The following ADAMTS6 variants were observed in gnomAD, a reference collection of about 807,000 sequenced individuals.
ADAMTS6 encodes the protein ADAM metallopeptidase with thrombospondin type 1 motif 6.
In ADAMTS6, 23 loss-of-function variants were observed where a neutral mutation model predicts 144.3. That is an observed-to-expected ratio of 0.16 (90% CI 0.11 to 0.23). The LOEUF (loss-of-function observed/expected upper bound fraction) is 0.23. ADAMTS6 is among the 10% of genes least tolerant of loss of function. The pLI, the probability that ADAMTS6 is intolerant of heterozygous loss-of-function variation, is 1.00. For synonymous variants in ADAMTS6, 444 were observed against 457.5 expected (o/e 0.97, Z 0.38); for missense variants, 999 against 1,379.6 (o/e 0.72, Z 4.37).
rs1756837231 is a variant in ADAMTS6, at chr5:65,215,325, A to G, written c.2435T>C (p.Met812Thr). 2 of 1,613,078 alleles carry G rather than the reference A, an allele frequency of 1.2e-6. No individual in the cohort carries two copies. The highest frequency in any genetic ancestry group is 2.7e-5 in the African/African-American group (2 of 74,876). The change falls in exon 19 of 25, where the codon ATG (methionine) becomes ACG (threonine). Residue 812 changes from methionine to threonine, a missense_variant and splice_region_variant. Transcript: ENST00000381055. ...LGPTSENLIV[M>T]VLLQEQNLGI... ...ATACAATGGCAAAGACGCATTTACC[A>G]TGACGATGAGATTTTCTGAGGTAGG...
At chr5:65,316,633 C>T (rs1745025417) in intron 9 of ADAMTS6, among the ~76,000 whole-genome samples, 1 of 152,034 alleles carries the variant, frequency 6.6e-6, no homozygotes, top group South Asian at 2.1e-4. Flanking sequence ...AAGTTACAAA[C>T]AGAAGAATTA....
intron 7 of ADAMTS6, among the ~76,000 whole-genome samples, chr5:65,389,360 T>C (rs1752729451): frequency 6.6e-6 from 1 of 152,182 alleles, no homozygotes; most frequent in Admixed American, 6.5e-5. Context: ...GTTTCAGTAA[T>C]GATTTCTGCC....
At chr5:65,262,118 C>G (rs1402831458) in intron 13 of ADAMTS6, among the ~76,000 whole-genome samples, 1 of 152,116 alleles carries the variant, frequency 6.6e-6, no homozygotes, top group East Asian at 1.9e-4. Context: ...AACCGTTCAC[C>G]TGTAATGGGC....
intron 9 of ADAMTS6, among the ~76,000 whole-genome samples, chr5:65,327,734 A>G (rs1424758387): frequency 6.6e-6 from 1 of 152,224 alleles, no homozygotes; most frequent in Non-Finnish European, 1.5e-5. Flanking sequence ...ATCTTTATAA[A>G]AGATACAAAG....
At chr5:65,222,829 C>T (rs991440192) in intron 18 of ADAMTS6, among the ~76,000 whole-genome samples, 2 of 151,782 alleles carry the variant, frequency 1.3e-5, no homozygotes, top group African/African-American at 4.8e-5. Flanking sequence ...TAAGATAGGA[C>T]ATGAAAGCAC....
chr5:65,302,222 TTATACA>T (rs1299533449), intron 9 of ADAMTS6, among the ~76,000 whole-genome samples: 1 of 144,690 alleles, frequency 6.9e-6, no homozygotes. Flanking sequence ...TATTATATAC[TTATACA>T]TATAATTATT....
chr5:65,428,326 T>C (rs1213495042), intron 7 of ADAMTS6, among the ~76,000 whole-genome samples: 1 of 152,118 alleles, frequency 6.6e-6, no homozygotes, highest in East Asian at 1.9e-4. Flanking sequence ...ACAGGTTCAC[T>C]TTAAAAGCTC....
At chr5:65,391,828 C>T (rs1187467430) in intron 7 of ADAMTS6, among the ~76,000 whole-genome samples, 3 of 151,856 alleles carry the variant, frequency 2.0e-5, no homozygotes, top group African/African-American at 4.8e-5. Context: ...ATCTGCCTCC[C>T]GGATTCAAGC....
intron 22 of ADAMTS6, among the ~76,000 whole-genome samples, chr5:65,184,183 G>C (rs989340089): frequency 1.3e-5 from 2 of 152,184 alleles, no homozygotes; most frequent in Admixed American, 1.3e-4. Context: ...TTATGCTTCA[G>C]CTTAATGTTC....
At chr5:65,451,221 T>C (rs1458814919) in intron 7 of ADAMTS6, 7 of 359,748 alleles carry the variant, frequency 1.9e-5, no homozygotes, top group Non-Finnish European at 5.0e-6. Context: ...ATATTATGAA[T>C]AGAACTTATC....
intron 7 of ADAMTS6, among the ~76,000 whole-genome samples, chr5:65,442,052 T>A (rs1304775182): frequency 7.2e-6 from 1 of 138,232 alleles, no homozygotes; most frequent in Non-Finnish European, 1.6e-5. Context: ...CTGAACCAAG[T>A]AGACAGACGG....
At position 65,262,910 on chromosome 5, in the gene ADAMTS6, T is replaced by A; in HGVS notation, c.1673A>T (p.Asp558Val). 1 of 1,613,514 alleles carries A rather than the reference T, an allele frequency of 6.2e-7. No individual in the cohort carries two copies. The highest frequency in any genetic ancestry group is 8.5e-7 in the Non-Finnish European group (1 of 1,179,778). ...VPFGTWPQSI[D>V]GGWGPWSLWG... ...TAGTGACCAGGGACCCCAGCCCCCA[T>A]CTATGCTCTGGGGCCAAGTGCCAAA... Residue 558 changes from aspartate to valine, a missense_variant, in exon 13 of 25, where the codon GAT becomes GTT. By Grantham distance (152) the Asp-to-Val change is radical. This residue lies in a region of ADAMTS6 where 619 missense variants were observed against 837.0 expected (regional missense o/e 0.74). Transcript: ENST00000381055.
In ADAMTS6 at chr5:65,148,977, C is replaced by T. The variant is rs1312722305; in HGVS notation, c.*2859G>A. On this transcript the variant is annotated 3_prime_UTR_variant, in exon 25 of 25. Transcript: ENST00000381055. ...CTGAGTATAAAATAATAAGCAACAA[C>T]TAATCACAATAATACAAAGGTAATT... is the stretch of plus-strand genomic sequence containing the variant. 1 of 152,612 alleles carries T rather than the reference C, an allele frequency of 6.6e-6. No homozygotes were observed. Among genetic ancestry groups the T allele is most frequent in the Non-Finnish European group, 1.5e-5 (1 of 68,048 alleles). The allele number at this position is 152,612 out of a possible 1,614,324, so 9.5% of individuals were successfully genotyped here.
intron 21 of ADAMTS6, among the ~76,000 whole-genome samples, chr5:65,194,395 A>T (rs1043280079): frequency 6.6e-6 from 1 of 152,086 alleles, no homozygotes; most frequent in African/African-American, 2.4e-5. Context: ...AATGACCAAT[A>T]CTCTACAGTG....
At chr5:65,312,103 G>C (rs10514980) in intron 9 of ADAMTS6, among the ~76,000 whole-genome samples, 7,111 of 151,962 alleles carry the variant, frequency 0.047, 212 homozygotes, top group East Asian at 0.11. Context: ...GTTCTTCAAA[G>C]AGATAACACA....
chr5:65,325,252 C>T (rs560668304), intron 9 of ADAMTS6, among the ~76,000 whole-genome samples: 58 of 152,238 alleles, frequency 3.8e-4, no homozygotes, highest in African/African-American at 1.4e-3. Context: ...CCAACGCTCA[C>T]TGAACCATAT....
At chr5:65,233,428 A>G (rs929644938) in intron 15 of ADAMTS6, among the ~76,000 whole-genome samples, 1 of 152,120 alleles carries the variant, frequency 6.6e-6, no homozygotes, top group African/African-American at 2.4e-5. Context: ...ATTCTTATAC[A>G]TAGAAAACCC....
At chr5:65,178,681 T>G (rs1410285420) in intron 22 of ADAMTS6, among the ~76,000 whole-genome samples, 1 of 152,222 alleles carries the variant, frequency 6.6e-6, no homozygotes, top group African/African-American at 2.4e-5. Flanking sequence ...GCAATGGTCC[T>G]GTTAGCACAA....
chr5:65,193,726 CTTT>C (rs1477397649), intron 21 of ADAMTS6, among the ~76,000 whole-genome samples: 1 of 152,038 alleles, frequency 6.6e-6, no homozygotes, highest in African/African-American at 2.4e-5. Flanking sequence ...TTATTTTCTT[CTTT>C]ATTTAGCATA....
Sources: allele counts gnomAD v4.1 joint callset (sites outside exome capture counted in the v4.1 genomes callset), GRCh38; gene constraint gnomAD v4.1.1; regional missense constraint gnomAD v4.1.1; transcripts MANE v1.5; gene names NCBI Gene and HGNC (gene_info 2026-07-23, HGNC 2026-07-21).